Variants in NUP50 observed in about 807,000 individuals in gnomAD.
NUP50 encodes the protein nuclear pore complex protein Nup50.
NUP50 carries 14 observed loss-of-function variants against 36.8 expected under a neutral mutation model. The ratio of observed to expected loss-of-function variants is 0.38; its 90% CI spans 0.25 to 0.59. The LOEUF is 0.59. NUP50 is among the 20% of genes least tolerant of loss of function. NUP50 has a pLI of 0.63. For missense variants in NUP50, 455 were observed against 564.6 expected (o/e 0.81, Z 1.97); for synonymous variants, 195 against 210.8 (o/e 0.93, Z 0.65).
At chr22:45,183,640 C>T (rs2074418789) in intron 7 of NUP50, 120 bp downstream of exon 7, 3 of 701,678 alleles carry the variant, frequency 4.3e-6, no homozygotes, top group South Asian at 3.3e-5. Flanking sequence ...CCAAATTCAT[C>T]CTGTATTTAC....
At chr22:45,171,990 G>C (rs1016728002) in intron 3 of NUP50, 1 of 293,858 alleles carries the variant, frequency 3.4e-6, no homozygotes, top group South Asian at 4.4e-5. Flanking sequence ...AAAGGAAAAC[G>C]CAAGGATCTT....
Position 45,187,140 on chromosome 22 carries a change from G to A in NUP50, c.*2485G>A, listed in dbSNP as rs976010307. 1 of 148,082 alleles carries A rather than the reference G, an allele frequency of 6.8e-6. No individual in the cohort carries two copies. Among genetic ancestry groups the A allele is most frequent in the Non-Finnish European group, 1.5e-5 (1 of 67,504 alleles). The allele number at this position is 148,082 out of a possible 1,614,324, so 9.2% of individuals were successfully genotyped here. Reference sequence around the variant, plus strand: ...GTTATTCTGAAATTGTTTTGCATCTGGACAAATACTAAATATCCCAGTGGC... The same window carrying A: ...GTTATTCTGAAATTGTTTTGCATCTAGACAAATACTAAATATCCCAGTGGC... On this transcript the variant is annotated 3_prime_UTR_variant, in exon 8 of 8. Transcript: ENST00000347635.
chr22:45,175,961 C>T lies in NUP50; in HGVS notation c.221C>T (p.Ser74Phe), dbSNP rs778813142. 3 of 1,614,132 alleles carry T rather than the reference C, an allele frequency of 1.9e-6. No individual in the cohort carries two copies. Among genetic ancestry groups the T allele is most frequent in the Non-Finnish European group, 2.5e-6 (3 of 1,180,020 alleles). Reference protein sequence around the residue: ...LVVPSGGGRFSGFGSGAGGKP... With the variant: ...LVVPSGGGRFFGFGSGAGGKP... ...GTACCTTCTGGAGGAGGACGCTTTT[C>T]TGGATTTGGTAGTGGCGCTGGAGGG... The change falls in exon 4 of 8, where the codon TCT becomes TTT. Residue 74 changes from serine to phenylalanine, a missense_variant. Physicochemically the swap from Ser to Phe is radical, Grantham distance 155 (BLOSUM62 -2). Around this residue, in one of 3 missense-constraint regions of NUP50, gnomAD observed 166 missense variants for 202.8 expected, o/e 0.82. Transcript: ENST00000347635.
intron 4 of NUP50, 99 bp from the exon 5 acceptor site, chr22:45,178,139 A>T: frequency 1.9e-6 from 2 of 1,054,268 alleles, no homozygotes; most frequent in South Asian, 3.0e-5. Context: ...GGGGGGAGAT[A>T]CAGTAAAAGC....
intron 7 of NUP50, chr22:45,183,738 C>T (rs1188642598): frequency 2.1e-6 from 1 of 480,562 alleles, no homozygotes; most frequent in Non-Finnish European, 3.7e-6. Flanking sequence ...TTTCATTTTC[C>T]TTTGTGTTAG....
rs768214460 is a variant in NUP50 at position 45,181,263 on chromosome 22, AATT to A, written c.1004-19_1004-17del. 21 of 1,548,536 alleles carry A rather than the reference AATT, an allele frequency of 1.4e-5. 1 individual carries two copies. The South Asian group carries it at 2.1e-4, about 15-fold the overall frequency. Reference sequence around the variant, plus strand: ...TAAGCTCTGGATTGGAATCTTACTGAATTATTGTCATTTTTATAAAAGGTGGAG... The same window carrying A: ...TAAGCTCTGGATTGGAATCTTACTGAATTGTCATTTTTATAAAAGGTGGAG... On this transcript the variant is annotated intron_variant, in intron 5 of 7. Coordinates refer to ENST00000347635, the MANE Select transcript of NUP50 (RefSeq NM_007172.4).
At chr22:45,180,045 G>T (rs1366412670) in intron 5 of NUP50, among the ~76,000 whole-genome samples, 1 of 152,204 alleles carries the variant, frequency 6.6e-6, no homozygotes, top group Non-Finnish European at 1.5e-5. Context: ...TCAGGCACGG[G>T]CCCTCTGGGC....
intron 3 of NUP50, among the ~76,000 whole-genome samples, chr22:45,173,838 A>G (rs2074235406): frequency 6.6e-6 from 1 of 152,228 alleles, no homozygotes; most frequent in Admixed American, 6.5e-5. Context: ...CCCTTGGGCA[A>G]CTAAGGGAAA....
chr22:45,169,119 C>T (rs1021400041), intron 2 of NUP50, among the ~76,000 whole-genome samples: 2 of 152,144 alleles, frequency 1.3e-5, no homozygotes, highest in Non-Finnish European at 2.9e-5. Flanking sequence ...TCAGACTGGT[C>T]TCAAACTCCT....
intron 5 of NUP50, chr22:45,179,442 T>C (rs2074331565): frequency 6.5e-6 from 1 of 153,510 alleles, no homozygotes; most frequent in Non-Finnish European, 1.4e-5. Flanking sequence ...ATGTTTCCTG[T>C]GTGTATCGTC....
chr22:45,178,944 C>A (rs1231768680), intron 5 of NUP50, 44 bp downstream of exon 5: 1 of 1,542,260 alleles, frequency 6.5e-7, no homozygotes, highest in Non-Finnish European at 8.7e-7. Context: ...GCATAAGATT[C>A]TTGTTTCTTG....
chr22:45,165,515 C>T (rs1427054658), intron 1 of NUP50, among the ~76,000 whole-genome samples: 1 of 152,188 alleles, frequency 6.6e-6, no homozygotes, highest in East Asian at 1.9e-4. Context: ...TTCTTCATAA[C>T]AGTAGCTAGA....
Position 45,178,659 on chromosome 22 carries a change from A to G in NUP50, c.762A>G (p.Ala254=). The G allele has an allele frequency of 6.2e-7, 1 of 1,612,058 alleles. No individual in the cohort carries two copies. Among genetic ancestry groups the G allele is most frequent in the Non-Finnish European group, 8.5e-7 (1 of 1,179,858 alleles). ...EDTPDKKMEV[A]SEKKTDPSSL... ...CACCTGACAAGAAGATGGAGGTGGC[A>G]TCTGAAAAGAAAACGGACCCATCAT... The change falls in exon 5 of 8, where the codon GCA becomes GCG. Residue 254 remains alanine (A), a synonymous_variant. Coordinates refer to ENST00000347635, the MANE Select transcript of NUP50 (RefSeq NM_007172.4).
intron 7 of NUP50, 165 bp downstream of exon 7, chr22:45,183,685 G>A: frequency 1.7e-6 from 1 of 578,964 alleles, no homozygotes; most frequent in Non-Finnish European, 3.1e-6. Context: ...ATAATAGTGT[G>A]TAAGGAAACA....
intron 5 of NUP50, among the ~76,000 whole-genome samples, chr22:45,180,569 C>T (rs1204777259): frequency 6.6e-6 from 1 of 152,024 alleles, no homozygotes; most frequent in African/African-American, 2.4e-5. Flanking sequence ...AGATGGGGGG[C>T]GTCTCACCAT....
intron 4 of NUP50, chr22:45,178,007 TC>T: frequency 4.1e-6 from 2 of 489,400 alleles, no homozygotes; most frequent in South Asian, 2.5e-5. Flanking sequence ...GTGCCCGTAA[TC>T]CCACCTACTC....
At chr22:45,171,020 A>G in intron 2 of NUP50, 1 of 1,304,184 alleles carries the variant, frequency 7.7e-7, no homozygotes, top group Non-Finnish European at 1.0e-6. Context: ...AAAGCCGAAG[A>G]TATTCAGCAG....
chr22:45,183,553 TCATCA>T, intron 7 of NUP50, 33 bp downstream of exon 7: 1 of 1,272,352 alleles, frequency 7.9e-7, no homozygotes, highest in Non-Finnish European at 1.2e-6. Context: ...CACAAAATCA[TCATCA>T]CATAGTATAT....
chr22:45,180,492 G>A (rs894946027), intron 5 of NUP50, among the ~76,000 whole-genome samples: 6 of 152,132 alleles, frequency 3.9e-5, no homozygotes, highest in Non-Finnish European at 7.4e-5. Flanking sequence ...TCCCACTTCA[G>A]TCTGCCAAGT....
Sources: allele counts gnomAD v4.1 joint callset (sites outside exome capture counted in the v4.1 genomes callset), GRCh38; gene constraint gnomAD v4.1.1; regional missense constraint gnomAD v4.1.1; transcripts MANE v1.5; gene names NCBI Gene and HGNC (gene_info 2026-07-23, HGNC 2026-07-21).